KLHL7: variants seen among roughly 807,000 people sequenced by gnomAD.
The protein encoded by KLHL7 is kelch-like protein 7.
In KLHL7, 44 loss-of-function variants were observed where a neutral mutation model predicts 67.4. The observed-to-expected ratio is 0.65, with a 90% CI of 0.51 to 0.84. The LOEUF (loss-of-function observed/expected upper bound fraction) is 0.84. Among genes scored for constraint, KLHL7 ranks in the 40% least tolerant of loss-of-function variants. The pLI is 0.00. For missense variants in KLHL7, 362 were observed against 718.1 expected (o/e 0.50, Z 5.67); for synonymous variants, 252 against 243.3 (o/e 1.04, Z -0.33).
rs753160672 is a variant in KLHL7 at position 23,152,220 on chromosome 7, T to G, written c.936+11T>G. The G allele has an allele frequency of 6.2e-7, 1 of 1,613,454 alleles. No individual in the cohort carries two copies. The highest frequency in any genetic ancestry group is 1.1e-5 in the South Asian group (1 of 91,060). On this transcript the variant is annotated intron_variant, in intron 7 of 10. Coordinates refer to ENST00000339077, the MANE Select transcript of KLHL7 (RefSeq NM_001031710.3). ...TATTTTAACCCAAAGGTAACTAATT[T>G]TTATTCTTGGTTTTTGTTGTTGTCT...
rs15775 is a variant in KLHL7 at position 23,125,082 on chromosome 7, C to T, written c.352C>T (p.Leu118=). ...GAATAGCAACAATGTTCAGTCTTTG[C>T]TGGATGCAGCAAACCAATATCAGAT... ...SVNSNNVQSL[L]DAANQYQIEP... is the part of the protein sequence containing the mutation. Residue 118 remains leucine (L), a synonymous_variant, in exon 4 of 11, where the codon CTG becomes TTG. Coordinates refer to ENST00000339077, the MANE Select transcript of KLHL7 (RefSeq NM_001031710.3). 0.37 allele frequency: 595,838 copies of T among 1,610,180 alleles called. 115,329 individuals carry two copies. Among genetic ancestry groups the T allele is most frequent in the African/African-American group, 0.65 (48,475 of 74,866 alleles).
intron 4 of KLHL7, among the ~76,000 whole-genome samples, chr7:23,127,185 T>G (rs1315608114): frequency 2.0e-5 from 3 of 152,208 alleles, no homozygotes; most frequent in Non-Finnish European, 4.4e-5. Flanking sequence ...GTGATTCAAC[T>G]ACAAAGAAGA....
intron 4 of KLHL7, chr7:23,125,742 A>G (rs1401510217): frequency 8.1e-6 from 12 of 1,475,712 alleles, no homozygotes; most frequent in African/African-American, 1.4e-5. Flanking sequence ...TTAATAAAGT[A>G]TTTTCTATTT....
At chr7:23,111,820 C>CAAAAA (rs895981894) in intron 1 of KLHL7, among the ~76,000 whole-genome samples, 598 of 23,232 alleles carry the variant, frequency 0.026, 39 homozygotes, top group Non-Finnish European at 0.049. Flanking sequence ...GACTCCGTCT[C>CAAAAA]AAAAAAAAAA....
chr7:23,107,473 C>T (rs1318133491), intron 1 of KLHL7, among the ~76,000 whole-genome samples: 1 of 152,164 alleles, frequency 6.6e-6, no homozygotes, highest in South Asian at 2.1e-4. Context: ...TGTTTTCATT[C>T]GTGGATCATA....
intron 6 of KLHL7, among the ~76,000 whole-genome samples, chr7:23,144,571 G>A (rs1460053823): frequency 1.3e-5 from 2 of 152,050 alleles, no homozygotes; most frequent in African/African-American, 4.8e-5. Flanking sequence ...AATATGAACT[G>A]TTTGCTCTCT....
At chr7:23,137,940 G>T (rs915263232) in intron 4 of KLHL7, among the ~76,000 whole-genome samples, 1 of 151,392 alleles carries the variant, frequency 6.6e-6, no homozygotes, top group African/African-American at 2.4e-5. Context: ...ACTTTGGGAG[G>T]CTGAGCGGGC....
chr7:23,166,740 T>C (rs1234559405), intron 8 of KLHL7, among the ~76,000 whole-genome samples: 3 of 152,178 alleles, frequency 2.0e-5, no homozygotes, highest in Admixed American at 6.5e-5. Flanking sequence ...CAGACTGTTA[T>C]AATGTAGAAT....
At chr7:23,171,217 T>A in intron 9 of KLHL7, 1 of 315,788 alleles carries the variant, frequency 3.2e-6, no homozygotes, top group Non-Finnish European at 6.5e-6. Context: ...AACTTCAGAT[T>A]GCAGATAGCG....
At chr7:23,146,480 A>C (rs1433452244) in intron 6 of KLHL7, among the ~76,000 whole-genome samples, 1 of 152,216 alleles carries the variant, frequency 6.6e-6, no homozygotes, top group Non-Finnish European at 1.5e-5. Flanking sequence ...GAAGAGGAGA[A>C]AAAGGATCTT....
rs116026983 is a variant in KLHL7, at chr7:23,135,405, A to G, written c.443-5364A>G. Among the ~76,000 whole-genome samples the G allele has an allele frequency of 2.2e-3, 329 of 152,292 alleles. 2 individuals are homozygous for G. The highest frequency in any genetic ancestry group is 7.7e-3 in the African/African-American group (318 of 41,558). On this transcript the variant is annotated intron_variant, in intron 4 of 10. Coordinates refer to ENST00000339077, the MANE Select transcript of KLHL7 (RefSeq NM_001031710.3). ...TGCTGAGGAAAAGGATGTGTATTCT[A>G]TAGCTCTTAGATGAAATAGTCTATA...
chr7:23,134,613 T>C (rs998997180), intron 4 of KLHL7, among the ~76,000 whole-genome samples: 3 of 152,220 alleles, frequency 2.0e-5, no homozygotes, highest in African/African-American at 7.2e-5. Context: ...GACTTTTTAT[T>C]ATAGCTTCAA....
intron 4 of KLHL7, among the ~76,000 whole-genome samples, chr7:23,134,954 G>C (rs1432142289): frequency 1.3e-5 from 2 of 150,696 alleles, no homozygotes; most frequent in African/African-American, 4.9e-5. Flanking sequence ...TTTTTTCTCT[G>C]ATCTTTATTT....
intron 7 of KLHL7, among the ~76,000 whole-genome samples, chr7:23,153,221 CGG>C (rs1491373050): frequency 2.6e-5 from 3 of 115,102 alleles, no homozygotes; most frequent in East Asian, 2.2e-4. Flanking sequence ...ATTCCTGAGG[CGG>C]CGGGGGGGCT....
chr7:23,143,218 G>A (rs781404814), intron 5 of KLHL7, among the ~76,000 whole-genome samples: 75 of 152,238 alleles, frequency 4.9e-4, no homozygotes, highest in Non-Finnish European at 9.3e-4. Context: ...ATTTTTTGGG[G>A]GGTGTTTAAT....
chr7:23,152,208 AG>A lies in KLHL7; in HGVS notation c.936+1del. 6.2e-7 allele frequency: 1 copy of A among 1,613,768 alleles called. No individual in the cohort carries two copies. The highest frequency in any genetic ancestry group is 8.5e-7 in the Non-Finnish European group (1 of 1,179,692). On this transcript the variant is annotated frameshift_variant and splice_region_variant, in exon 7 of 11. Coordinates refer to ENST00000339077, the MANE Select transcript of KLHL7 (RefSeq NM_001031710.3). LOFTEE classifies it high-confidence loss of function. ...CAGTCTTGTAGATATTTTAACCCAA[AG>A]GTAACTAATTTTTATTCTTGGTTTT... Reference protein sequence around the residue: ...QPQSCRYFNPKDYSWTDIRCP... With the variant: ...QPQSCRYFNPXDYSWTDIRCP...
At chr7:23,107,655 A>C (rs984204899) in intron 1 of KLHL7, among the ~76,000 whole-genome samples, 1 of 152,206 alleles carries the variant, frequency 6.6e-6, no homozygotes, top group Non-Finnish European at 1.5e-5. Context: ...ATTTACCGTT[A>C]CAATAGAAGT....
At chr7:23,111,392 G>T (rs1243985405) in intron 1 of KLHL7, among the ~76,000 whole-genome samples, 1 of 152,212 alleles carries the variant, frequency 6.6e-6, no homozygotes, top group Non-Finnish European at 1.5e-5. Context: ...TGAAACTGGC[G>T]AAGTAGCTAG....
In KLHL7 at chr7:23,174,948, A is replaced by C. The variant is rs1321061073; in HGVS notation, c.*650A>C. On this transcript the variant is annotated 3_prime_UTR_variant, in exon 11 of 11. Coordinates refer to ENST00000339077, the MANE Select transcript of KLHL7 (RefSeq NM_001031710.3). ...TAAATATATTCCATCTTTTTAACAT[A>C]AAATGTAAAGCTTAGCACCCATCAT... is the stretch of plus-strand genomic sequence containing the variant. 2.2e-6 allele frequency: 1 copy of C among 453,658 alleles called. No individual in the cohort carries two copies. The highest frequency in any genetic ancestry group is 1.6e-5 in the South Asian group (1 of 64,382). The allele number at this position is 453,658 out of a possible 1,614,324, so 28.1% of individuals were successfully genotyped here.
Sources: gnomAD v4.1 joint callset for allele counts (sites outside exome capture counted in the v4.1 genomes callset) on GRCh38, gnomAD v4.1.1 for gene constraint, MANE v1.5 for transcripts, NCBI Gene and HGNC (gene_info 2026-07-23, HGNC 2026-07-21) for gene names.